The following STK3 variants were observed in gnomAD, a reference collection of about 807,000 sequenced individuals.
STK3 encodes the protein serine/threonine-protein kinase 3.
A neutral mutation model predicts 58.0 loss-of-function variants in STK3; 41 were observed. The observed-to-expected ratio is 0.71, with a 90% CI of 0.55 to 0.92. The LOEUF is 0.92. Ranked by LOEUF, STK3 falls within the 40% of genes least tolerant of loss-of-function variation. The pLI is 0.00. For missense variants in STK3, 479 were observed against 602.7 expected, an observed-to-expected ratio of 0.79 and a Z score of 2.15; for synonymous variants, 170 against 191.0, an observed-to-expected ratio of 0.89 and a Z score of 0.91.
intron 8 of STK3, among the ~76,000 whole-genome samples, chr8:98,561,164 A>C (rs1811996004): frequency 6.6e-6 from 1 of 152,190 alleles, no homozygotes; most frequent in African/African-American, 2.4e-5. Flanking sequence ...ATGATGTATC[A>C]TTGAAACAGA....
At chr8:98,569,870 A>G (rs1205449894) in intron 8 of STK3, among the ~76,000 whole-genome samples, 2 of 150,906 alleles carry the variant, frequency 1.3e-5, no homozygotes, top group Admixed American at 1.3e-4. Context: ...AGGAATGAGA[A>G]TAAGTAAATG....
chr8:98,728,584 G>T lies in STK3; in HGVS notation c.351+20692C>A, dbSNP rs115694585. Among the ~76,000 whole-genome samples the T allele has an allele frequency of 3.2e-3, 481 of 152,180 alleles. 5 individuals are homozygous for T. Among genetic ancestry groups the T allele is most frequent in the African/African-American group, 0.011 (463 of 41,512 alleles). ...ACTCTACTGTGAAAATGGTCAGTGG[G>T]TACACATTTTAAAATCCTTTCCCAC... On this transcript the variant is annotated intron_variant, in intron 4 of 10. Transcript: ENST00000419617.
intron 1 of STK3, among the ~76,000 whole-genome samples, chr8:98,885,462 G>T (rs756847514): frequency 6.6e-6 from 1 of 152,140 alleles, no homozygotes; most frequent in Admixed American, 6.5e-5. Context: ...TGTTTGAGAC[G>T]GAGTTTCATT....
intron 10 of STK3, among the ~76,000 whole-genome samples, chr8:98,466,812 T>G (rs146705431): frequency 7.2e-4 from 109 of 152,270 alleles, no homozygotes; most frequent in Middle Eastern, 3.4e-3. Flanking sequence ...TATTGTCTCC[T>G]CTGACCTGAA....
Position 98,683,465 on chromosome 8 carries a change from A to C in STK3, c.684+23002T>G, listed in dbSNP as rs59480650. 3.7e-4 allele frequency among the ~76,000 whole-genome samples: 56 copies of C among 152,228 alleles called. No homozygotes were observed. The East Asian group carries it at 0.011, about 29-fold the overall frequency. On this transcript the variant is annotated intron_variant, in intron 6 of 10. Transcript: ENST00000419617. Reference sequence around the variant, plus strand: ...GGAAATAAGCACATATTCAACAAAAATATTTATTGGATATTCTTATGTTAG... The same window carrying C: ...GGAAATAAGCACATATTCAACAAAACTATTTATTGGATATTCTTATGTTAG...
chr8:98,922,874 T>C (rs1839622482), intron 1 of STK3, among the ~76,000 whole-genome samples: 1 of 152,268 alleles, frequency 6.6e-6, no homozygotes, highest in African/African-American at 2.4e-5. Context: ...CTTGAAGCTT[T>C]AAGAAAAGTA....
At chr8:98,581,898 G>A (rs1280234481) in intron 7 of STK3, among the ~76,000 whole-genome samples, 1 of 151,928 alleles carries the variant, frequency 6.6e-6, no homozygotes, top group Non-Finnish European at 1.5e-5. Context: ...TAATGAGGAA[G>A]TATAGAGAAA....
intron 6 of STK3, among the ~76,000 whole-genome samples, chr8:98,654,677 T>C (rs1442753124): frequency 6.6e-6 from 1 of 152,006 alleles, no homozygotes; most frequent in Non-Finnish European, 1.5e-5. Context: ...ACAAGCATTC[T>C]TATACACCAA....
At chr8:98,631,682 C>T (rs544663317) in intron 6 of STK3, among the ~76,000 whole-genome samples, 2 of 151,900 alleles carry the variant, frequency 1.3e-5, no homozygotes, top group African/African-American at 4.8e-5. Context: ...GTTTTTTTCC[C>T]GAGACAGTGT....
At chr8:98,485,526 G>T (rs1259393108) in intron 10 of STK3, among the ~76,000 whole-genome samples, 1 of 152,180 alleles carries the variant, frequency 6.6e-6, no homozygotes, top group Non-Finnish European at 1.5e-5. Flanking sequence ...GTAGCACACA[G>T]ATAAAGAAAT....
chr8:98,706,458 T>C lies in STK3; in HGVS notation c.684+9A>G. ...GGCTAACATTTTCAGCAAACCATAA[T>C]TTTCTTACCCTCATTGGATGTATAT... On this transcript the variant is annotated intron_variant, in intron 6 of 10. Transcript: ENST00000419617. 6.3e-7 allele frequency: 1 copy of C among 1,599,024 alleles called. No individual in the cohort carries two copies. The highest frequency in any genetic ancestry group is 8.5e-7 in the Non-Finnish European group (1 of 1,174,480).
At chr8:98,407,757 T>TGTGCGC (rs869119517) in intron 3 of STK3, among the ~76,000 whole-genome samples, 8 of 131,436 alleles carry the variant, frequency 6.1e-5, no homozygotes, top group African/African-American at 2.4e-4. Flanking sequence ...TGTGTGTGTG[T>TGTGCGC]GCGCGCGCGC....
intron 9 of STK3, among the ~76,000 whole-genome samples, chr8:98,542,055 C>T (rs890852129): frequency 1.3e-5 from 2 of 152,064 alleles, no homozygotes; most frequent in Non-Finnish European, 2.9e-5. Flanking sequence ...TCTCAGTTTC[C>T]TTAGTGCTAA....
intron 8 of STK3, among the ~76,000 whole-genome samples, chr8:98,548,493 A>C (rs1404070550): frequency 6.6e-6 from 1 of 152,146 alleles, no homozygotes; most frequent in East Asian, 1.9e-4. Flanking sequence ...ATATGAGAGC[A>C]CCTTTAAGAC....
chr8:98,666,868 G>C (rs981039156), intron 6 of STK3, among the ~76,000 whole-genome samples: 1 of 152,138 alleles, frequency 6.6e-6, no homozygotes, highest in Non-Finnish European at 1.5e-5. Context: ...AAAAATGCTA[G>C]AAAAGATAAC....
At chr8:98,758,390 A>T (rs1221288920) in intron 3 of STK3, among the ~76,000 whole-genome samples, 1 of 152,224 alleles carries the variant, frequency 6.6e-6, no homozygotes, top group African/African-American at 2.4e-5. Flanking sequence ...CATAAATGCA[A>T]AAATTCTCAA....
At chr8:98,395,004 T>A (rs6984033) in intron 3 of STK3, among the ~76,000 whole-genome samples, 5 of 151,992 alleles carry the variant, frequency 3.3e-5, no homozygotes, top group Non-Finnish European at 4.4e-5. Context: ...TGAGGAGGCT[T>A]TGTGTTCCAG....
At chr8:98,510,419 A>G (rs1824417409) in intron 10 of STK3, among the ~76,000 whole-genome samples, 1 of 151,582 alleles carries the variant, frequency 6.6e-6, no homozygotes, top group South Asian at 2.1e-4. Flanking sequence ...ACCCTCACCC[A>G]TATATTTGCC....
rs1209932915 is a variant in STK3, at chr8:98,742,634, G to C, written c.351+6642C>G. Among the ~76,000 whole-genome samples the C allele has an allele frequency of 4.0e-3, 583 of 144,098 alleles. 3 individuals carry two copies. Among genetic ancestry groups the C allele is most frequent in the African/African-American group, 0.014 (550 of 38,074 alleles). The allele number at this position is 144,098 out of a possible 152,430, so 94.5% of individuals were successfully genotyped here. Reference sequence around the variant, plus strand: ...ACCCACAGCCAATATCATACTGAATGGGCAAAAACTGGAAGCATTCCCTTT... The same window carrying C: ...ACCCACAGCCAATATCATACTGAATCGGCAAAAACTGGAAGCATTCCCTTT... On this transcript the variant is annotated intron_variant, in intron 4 of 10. Transcript: ENST00000419617.
Sources: gnomAD v4.1 joint callset for allele counts (sites outside exome capture counted in the v4.1 genomes callset) on GRCh38, gnomAD v4.1.1 for gene constraint, MANE v1.5 for transcripts, NCBI Gene and HGNC (gene_info 2026-07-23, HGNC 2026-07-21) for gene names.